Variants in RNF17 observed in about 807,000 individuals in gnomAD.
RNF17 encodes spermatogenesis associated 23.
Under a neutral mutation model 200.5 loss-of-function variants are expected in RNF17, and 31 were observed. That is an observed-to-expected ratio of 0.15 (90% CI 0.12 to 0.21). The LOEUF is 0.21. Ranked by LOEUF, RNF17 falls within the 10% of genes least tolerant of loss-of-function variation. The probability of loss-of-function intolerance (pLI) is 1.00; values close to 1 mark genes in which losing one functional copy is unlikely to be tolerated. For synonymous variants in RNF17, 606 were observed against 637.8 expected (o/e 0.95, Z 0.75); for missense variants, 1,628 against 1,905.1 (o/e 0.85, Z 2.71).
upstream of RNF17, among the ~76,000 whole-genome samples, chr13:24,762,294 C>G (rs191951473): frequency 4.8e-5 from 7 of 146,214 alleles, no homozygotes; most frequent in African/African-American, 1.8e-4. Context: ...TGCTTGAACC[C>G]GGAGACCAAG....
At chr13:24,801,041 T>C (rs555499569) in intron 13 of RNF17, among the ~76,000 whole-genome samples, 2 of 152,330 alleles carry the variant, frequency 1.3e-5, no homozygotes, top group South Asian at 4.1e-4. Flanking sequence ...CTCATCGTTG[T>C]ATTCCCAGCA....
At chr13:24,812,205 G>T (rs1277969361) in intron 15 of RNF17, among the ~76,000 whole-genome samples, 3 of 150,734 alleles carry the variant, frequency 2.0e-5, no homozygotes, top group Non-Finnish European at 3.0e-5. Flanking sequence ...GTTTACCTAA[G>T]CAAGCCTGGG....
rs770833251 is a variant in RNF17 at position 24,800,382 on chromosome 13, G to C, written c.1606G>C (p.Val536Leu). The C allele has an allele frequency of 1.1e-5, 18 of 1,598,062 alleles. No individual in the cohort carries two copies. The South Asian group carries it at 1.7e-4, about 15-fold the overall frequency. ...LIVTGVVDTHVRPEHSAKQHI... is the reference protein window; with the variant it reads ...LIVTGVVDTHLRPEHSAKQHI... ...TTCTCCTAGAGTTGTTGATACCCAT[G>C]TGAGACCAGAACACTCTGCTAAGCA... The change falls in exon 13 of 36, where the codon GTG (valine) becomes CTG (leucine). Residue 536 changes from valine to leucine, a missense_variant. Coordinates refer to ENST00000255324, the MANE Select transcript of RNF17 (RefSeq NM_031277.3).
At chr13:24,779,793 C>G in intron 5 of RNF17, 46 bp downstream of exon 5, 1 of 1,385,952 alleles carries the variant, frequency 7.2e-7, no homozygotes, top group Non-Finnish European at 1.0e-6. Flanking sequence ...TGAAGCATGT[C>G]CTCTTTAAGT....
At chr13:24,860,291 T>C (rs1024211280) in intron 26 of RNF17, among the ~76,000 whole-genome samples, 1 of 152,130 alleles carries the variant, frequency 6.6e-6, no homozygotes, top group Non-Finnish European at 1.5e-5. Context: ...TGGTGAACTT[T>C]TATAAAAATT....
intron 24 of RNF17, among the ~76,000 whole-genome samples, chr13:24,852,509 G>C (rs1892052253): frequency 6.6e-6 from 1 of 152,102 alleles, no homozygotes. Context: ...TAGCCACTTT[G>C]TACCATATAT....
At chr13:24,862,825 T>C (rs1893233861) in intron 28 of RNF17, 32 bp downstream of exon 28, 1 of 1,211,596 alleles carries the variant, frequency 8.3e-7, no homozygotes. Context: ...TGTTATAAAT[T>C]ACTTGCCATA....
intron 11 of RNF17, among the ~76,000 whole-genome samples, chr13:24,798,949 G>C (rs1884928725): frequency 6.6e-6 from 1 of 152,116 alleles, no homozygotes; most frequent in Admixed American, 6.6e-5. Context: ...CCTTTACAAA[G>C]AGAAGATAAT....
At chr13:24,884,399 ACTTCCTTTCGAGTTCC>A (rs771360911), downstream of RNF17, 2 of 1,614,088 alleles carry the variant, frequency 1.2e-6, no homozygotes, top group South Asian at 2.2e-5. Context: ...ATCTGCACTC[ACTTCCTTTCGAGTTCC>A]ATTGGGAAAC....
At chr13:24,872,560 T>C (rs1894411148) in intron 32 of RNF17, among the ~76,000 whole-genome samples, 1 of 152,182 alleles carries the variant, frequency 6.6e-6, no homozygotes, top group Non-Finnish European at 1.5e-5. Context: ...AGTATTTGCT[T>C]GTATCAGGTA....
chr13:24,781,648 A>C (rs1882384239), intron 5 of RNF17, among the ~76,000 whole-genome samples, 196 bp from the exon 6 acceptor site: 1 of 152,198 alleles, frequency 6.6e-6, no homozygotes, highest in African/African-American at 2.4e-5. Context: ...TAAAACAAAC[A>C]AAAAGATATG....
chr13:24,872,249 C>T (rs1271217872), intron 32 of RNF17, among the ~76,000 whole-genome samples: 4 of 152,096 alleles, frequency 2.6e-5, no homozygotes, highest in Non-Finnish European at 5.9e-5. Context: ...CGTGAGCCTC[C>T]GTGCCTAGCC....
rs1885107512 is a variant in RNF17, at chr13:24,800,419, T to A, written c.1643T>A (p.Leu548Gln). Residue 548 changes from leucine (L) to glutamine (Q), a missense_variant, in exon 13 of 36, where the codon CTA becomes CAA. Physicochemically the swap from Leu to Gln is moderately radical, Grantham distance 113 (BLOSUM62 -2). Around this residue, in one of 5 missense-constraint regions of RNF17, gnomAD observed 289 missense variants for 384.9 expected, o/e 0.75. Transcript: ENST00000255324. ...CACTCTGCTAAGCAACATATTGCAC[T>A]AAATGATTTATGTCTGGTTCTAAGG... Reference protein sequence around the residue: ...PEHSAKQHIALNDLCLVLRKS... With the variant: ...PEHSAKQHIAQNDLCLVLRKS... 5 of 1,612,948 alleles carry A rather than the reference T, an allele frequency of 3.1e-6. No homozygotes were observed. The highest frequency in any genetic ancestry group is 4.2e-6 in the Non-Finnish European group (5 of 1,179,330).
At chr13:24,817,445 A>G (rs139996100) in intron 15 of RNF17, among the ~76,000 whole-genome samples, 1 of 152,224 alleles carries the variant, frequency 6.6e-6, no homozygotes, top group Non-Finnish European at 1.5e-5. Context: ...TTGGCCGGGC[A>G]TGGTGGCTCA....
At chr13:24,879,508 C>G (rs1171857764) in intron 35 of RNF17, among the ~76,000 whole-genome samples, 1 of 152,176 alleles carries the variant, frequency 6.6e-6, no homozygotes, top group African/African-American at 2.4e-5. Context: ...TGTCATGACT[C>G]TGACAGTACC....
intron 8 of RNF17, 85 bp downstream of exon 8, chr13:24,789,509 A>G: frequency 1.8e-6 from 2 of 1,111,132 alleles, no homozygotes; most frequent in Non-Finnish European, 2.7e-6. Context: ...GTAATAATAA[A>G]TTGAAATTTT....
intron 32 of RNF17, 118 bp from the exon 33 acceptor site, chr13:24,873,996 G>A: frequency 2.1e-6 from 2 of 969,860 alleles, no homozygotes; most frequent in Non-Finnish European, 3.1e-6. Context: ...CTTGGCTATT[G>A]TGAATAGTGC....
intron 2 of RNF17, among the ~76,000 whole-genome samples, chr13:24,769,268 G>A (rs1880305916): frequency 6.6e-6 from 1 of 151,538 alleles, no homozygotes; most frequent in Admixed American, 6.6e-5. Context: ...TGGGATTTTG[G>A]ATAATGTGTA....
In RNF17 at chr13:24,783,772, T is replaced by G. The variant is rs998075986; in HGVS notation, c.611+1828T>G. Among the ~76,000 whole-genome samples the G allele has an allele frequency of 2.0e-5, 3 of 152,232 alleles. No homozygotes were observed. In the East Asian group the frequency reaches 5.8e-4, roughly 29 times the overall value. On this transcript the variant is annotated intron_variant, in intron 6 of 35. Coordinates refer to ENST00000255324, the MANE Select transcript of RNF17 (RefSeq NM_031277.3). ...CTTTAGTATTATTTTATGGCATCTTTAGGGTTTTCTGCATGTATGATCATG... is the reference window on the plus strand; with the variant it reads ...CTTTAGTATTATTTTATGGCATCTTGAGGGTTTTCTGCATGTATGATCATG...
Sources: allele counts gnomAD v4.1 joint callset (sites outside exome capture counted in the v4.1 genomes callset), GRCh38; gene constraint gnomAD v4.1.1; regional missense constraint gnomAD v4.1.1; transcripts MANE v1.5; gene names NCBI Gene and HGNC (gene_info 2026-07-23, HGNC 2026-07-21).